The following YEATS4 variants were observed in gnomAD, a reference collection of about 807,000 sequenced individuals.
The protein encoded by YEATS4 is YEATS domain containing 4, also known as YEATS domain-containing protein 4.
YEATS4 carries 17 observed loss-of-function variants against 30.1 expected under a neutral mutation model. The observed-to-expected ratio is 0.56, with a 90% CI of 0.39 to 0.85. The LOEUF (loss-of-function observed/expected upper bound fraction) is 0.85. Among genes scored for constraint, YEATS4 ranks in the 40% least tolerant of loss-of-function variants. The probability of loss-of-function intolerance (pLI) is 0.00; values close to 1 mark genes in which losing one functional copy is unlikely to be tolerated. For missense variants in YEATS4, 142 were observed against 268.3 expected (o/e 0.53, Z 3.29); for synonymous variants, 85 against 87.5 (o/e 0.97, Z 0.16).
At chr12:69,424,590 G>T in the YEATS4 span, among the ~76,000 whole-genome samples, 1 of 152,164 alleles carries the variant, frequency 6.6e-6, no homozygotes, top group Non-Finnish European at 1.5e-5. Flanking sequence ...GAGAGACCTG[G>T]TGGGAGGTGA....
intron 4 of YEATS4, among the ~76,000 whole-genome samples, chr12:69,366,386 A>C (rs1172167401): frequency 6.6e-6 from 1 of 151,676 alleles, no homozygotes; most frequent in Non-Finnish European, 1.5e-5. Context: ...ATAATGTAAA[A>C]AAAAAATCCC....
chr12:69,374,602 ATGC>A (rs1478800240), intron 6 of YEATS4, among the ~76,000 whole-genome samples: 7 of 151,946 alleles, frequency 4.6e-5, no homozygotes, highest in Non-Finnish European at 1.0e-4. Context: ...ATTAGGGAGT[ATGC>A]TGCCTTCAAG....
chr12:69,418,634 T>C, the YEATS4 span, among the ~76,000 whole-genome samples: 1 of 152,210 alleles, frequency 6.6e-6, no homozygotes, highest in Non-Finnish European at 1.5e-5. Flanking sequence ...AGTTGGTTTT[T>C]TTCTTCCACA....
chr12:69,382,602 C>G (rs1411521270), intron 6 of YEATS4, among the ~76,000 whole-genome samples: 5 of 152,188 alleles, frequency 3.3e-5, no homozygotes, highest in Non-Finnish European at 7.3e-5. Flanking sequence ...GCAGTGGGCT[C>G]CTCTTGGCCT....
the YEATS4 span, among the ~76,000 whole-genome samples, chr12:69,420,986 G>A: frequency 1.3e-5 from 2 of 152,096 alleles, no homozygotes; most frequent in African/African-American, 2.4e-5. Context: ...ACTTAATTTC[G>A]TTGACAAATA....
At chr12:69,400,672 AC>A in the YEATS4 span, among the ~76,000 whole-genome samples, 5 of 149,896 alleles carry the variant, frequency 3.3e-5, no homozygotes, top group African/African-American at 4.9e-5. Flanking sequence ...ACATAGCAAG[AC>A]CCCCCCGCCC....
At chr12:69,391,855 G>C (rs1868318674), downstream of YEATS4, among the ~76,000 whole-genome samples, 1 of 152,146 alleles carries the variant, frequency 6.6e-6, no homozygotes, top group South Asian at 2.1e-4. Context: ...ATTCTAGTCA[G>C]CTGCCCACGA....
the YEATS4 span, among the ~76,000 whole-genome samples, chr12:69,418,823 C>T: frequency 2.0e-5 from 3 of 151,932 alleles, no homozygotes; most frequent in Non-Finnish European, 4.4e-5. Context: ...GTGGTGCATA[C>T]ATGTAGTCCT....
intron 6 of YEATS4, among the ~76,000 whole-genome samples, chr12:69,373,821 C>T (rs1057417672): frequency 1.3e-5 from 2 of 152,172 alleles, no homozygotes; most frequent in African/African-American, 4.8e-5. Flanking sequence ...AGATAGGAGT[C>T]TAGTTTCATT....
At chr12:69,425,519 C>T in the YEATS4 span, among the ~76,000 whole-genome samples, 24 of 152,286 alleles carry the variant, frequency 1.6e-4, no homozygotes, top group Admixed American at 7.8e-4. Context: ...GCCTCCATTG[C>T]GCCCACACAG....
the YEATS4 span, among the ~76,000 whole-genome samples, chr12:69,426,496 G>A: frequency 1.1e-4 from 16 of 152,070 alleles, no homozygotes; most frequent in South Asian, 2.7e-3. Flanking sequence ...TCAGCCTCCC[G>A]AGTAGCTGGG....
intron 6 of YEATS4, among the ~76,000 whole-genome samples, chr12:69,377,389 G>GTCCT (rs996431225): frequency 2.0e-5 from 3 of 151,774 alleles, no homozygotes; most frequent in Non-Finnish European, 4.4e-5. Flanking sequence ...GTTTCCATCT[G>GTCCT]TCCTTCCTTC....
intron 6 of YEATS4, among the ~76,000 whole-genome samples, chr12:69,387,510 G>GA (rs1249065800): frequency 6.6e-6 from 1 of 151,950 alleles, no homozygotes; most frequent in African/African-American, 2.4e-5. Flanking sequence ...GTTTGTAAAA[G>GA]AAAAAAATGG....
At chr12:69,397,382 C>T in the YEATS4 span, among the ~76,000 whole-genome samples, 1 of 152,126 alleles carries the variant, frequency 6.6e-6, no homozygotes, top group Non-Finnish European at 1.5e-5. Flanking sequence ...CCACCCAAAT[C>T]TCATTTTGAA....
downstream of YEATS4, among the ~76,000 whole-genome samples, chr12:69,395,334 A>G (rs958446086): frequency 1.3e-5 from 2 of 152,208 alleles, no homozygotes; most frequent in African/African-American, 4.8e-5. Flanking sequence ...GAAGCAAGGC[A>G]AATGTCTATC....
At chr12:69,405,798 C>A in the YEATS4 span, among the ~76,000 whole-genome samples, 147 of 152,268 alleles carry the variant, frequency 9.7e-4, 1 homozygote, top group African/African-American at 3.4e-3. Context: ...TGGAATTTTC[C>A]ATGGAATATT....
downstream of YEATS4, among the ~76,000 whole-genome samples, chr12:69,391,534 C>T (rs1868315179): frequency 6.6e-6 from 1 of 152,126 alleles, no homozygotes. Context: ...TATCTGTCTG[C>T]CCTGATGGAT....
the YEATS4 span, among the ~76,000 whole-genome samples, chr12:69,409,141 G>C: frequency 1.3e-5 from 2 of 152,124 alleles, no homozygotes; most frequent in Non-Finnish European, 2.9e-5. Flanking sequence ...TTTGAATCGT[G>C]GCTCCGTTGC....
At chr12:69,417,570 A>G in the YEATS4 span, among the ~76,000 whole-genome samples, 1 of 152,120 alleles carries the variant, frequency 6.6e-6, no homozygotes. Context: ...GAGGCTAAAA[A>G]TCCTGTGACT....
Sources: allele counts gnomAD v4.1 joint callset (sites outside exome capture counted in the v4.1 genomes callset), GRCh38; gene constraint gnomAD v4.1.1; transcripts MANE v1.5; gene names NCBI Gene and HGNC (gene_info 2026-07-23, HGNC 2026-07-21).